The following DSTYK variants were observed in gnomAD, a reference collection of about 807,000 sequenced individuals.
DSTYK encodes RIP-homologous kinase.
Under a neutral mutation model 98.7 loss-of-function variants are expected in DSTYK, and 34 were observed. That is an observed-to-expected ratio of 0.34 (90% confidence interval 0.26 to 0.46). The LOEUF is 0.46. DSTYK is among the 20% of genes least tolerant of loss of function. The probability of loss-of-function intolerance (pLI) is 1.00; values close to 1 mark genes in which losing one functional copy is unlikely to be tolerated. For missense variants in DSTYK, 962 were observed against 1,181.7 expected (o/e 0.81, Z 2.73); for synonymous variants, 462 against 457.3 (o/e 1.01, Z -0.13).
At chr1:205,186,367 A>C in intron 2 of DSTYK, among the ~76,000 whole-genome samples, 1 of 152,252 alleles carries the variant, frequency 6.6e-6, no homozygotes, top group East Asian at 1.9e-4. Flanking sequence ...GCATTTATCA[A>C]GATGAAAGAA....
chr1:205,148,147 T>C, intron 12 of DSTYK, 58 bp downstream of exon 12: 3 of 1,605,664 alleles, frequency 1.9e-6, no homozygotes, highest in Non-Finnish European at 2.6e-6. Flanking sequence ...TGACATTGCC[T>C]GGGCTCAGTC....
At chr1:205,159,431 T>C in intron 9 of DSTYK, 116 bp downstream of exon 9, 1 of 1,268,880 alleles carries the variant, frequency 7.9e-7, no homozygotes, top group Non-Finnish European at 1.1e-6. Context: ...AAATAAACCC[T>C]AATTACTCCA....
At chr1:205,184,467 G>T (rs1338917967) in intron 2 of DSTYK, among the ~76,000 whole-genome samples, 9 of 151,946 alleles carry the variant, frequency 5.9e-5, no homozygotes, top group Non-Finnish European at 1.3e-4. Flanking sequence ...AGCTACTTGG[G>T]AGGCTAAGGA....
chr1:205,147,399 T>C lies in DSTYK; in HGVS notation c.*159A>G. The C allele has an allele frequency of 1.4e-6, 1 of 708,168 alleles. No homozygotes were observed. The highest frequency in any genetic ancestry group is 2.3e-6 in the Non-Finnish European group (1 of 432,430). The allele number at this position is 708,168 out of a possible 1,614,324, so 43.9% of individuals were successfully genotyped here. On this transcript the variant is annotated 3_prime_UTR_variant, in exon 13 of 13. Coordinates refer to ENST00000367162, the MANE Select transcript of DSTYK (RefSeq NM_015375.3). ...TGCTCAGTCATTCAACTCTTCACTG[T>C]CCAGGAGTCATCCCTGCCTGGGAAG...
chr1:205,211,358 TGTGGGA>T lies in DSTYK; in HGVS notation c.172_177del (p.Ser58_His59del). 1 of 1,612,600 alleles carries T rather than the reference TGTGGGA, an allele frequency of 6.2e-7. No individual in the cohort carries two copies. On this transcript the variant is annotated inframe_deletion, in exon 1 of 13. Coordinates refer to ENST00000367162, the MANE Select transcript of DSTYK (RefSeq NM_015375.3). ...GTGAGGGAGGAGAGACAAGTGTGGTTGTGGGAGCACTTGATGTCGCGGAAGAACTTC... is the reference window on the plus strand; with the variant it reads ...GTGAGGGAGGAGAGACAAGTGTGGTTGCACTTGATGTCGCGGAAGAACTTC...
At position 205,147,318 on chromosome 1, in the gene DSTYK, T is replaced by C. The variant is rs1478330346; in HGVS notation, c.*240A>G. 1 of 393,518 alleles carries C rather than the reference T, an allele frequency of 2.5e-6. No individual in the cohort carries two copies. Among genetic ancestry groups the C allele is most frequent in the Non-Finnish European group, 4.6e-6 (1 of 216,234 alleles). 24.4% of individuals were successfully genotyped at this position (393,518 alleles called of 1,614,324 possible). On this transcript the variant is annotated 3_prime_UTR_variant, in exon 13 of 13. Coordinates refer to ENST00000367162, the MANE Select transcript of DSTYK (RefSeq NM_015375.3). ...CACCACATTCCTCAGCTTTTACACA[T>C]CTGAGACACTTTTTTGCTAAAGGGA...
At chr1:205,161,721 A>G (rs1657726160) in intron 6 of DSTYK, among the ~76,000 whole-genome samples, 1 of 152,176 alleles carries the variant, frequency 6.6e-6, no homozygotes, top group Non-Finnish European at 1.5e-5. Flanking sequence ...TAAACATACA[A>G]AATTCCTACT....
At chr1:205,202,409 C>A in intron 1 of DSTYK, 1 of 743,670 alleles carries the variant, frequency 1.3e-6, no homozygotes, top group East Asian at 2.6e-5. Context: ...GTGCCCAGGC[C>A]AAGCAGTGGG....
chr1:205,200,946 C>T (rs556103253), intron 1 of DSTYK, among the ~76,000 whole-genome samples: 2 of 151,868 alleles, frequency 1.3e-5, no homozygotes, highest in African/African-American at 4.8e-5. Flanking sequence ...ACTCTTGTTG[C>T]CCAGGCTGGA....
rs1017923339 is a variant in DSTYK, at chr1:205,150,622, C to T, written c.2467+58G>A. On this transcript the variant is annotated intron_variant, in intron 11 of 12. Transcript: ENST00000367162. The surrounding 1 kb of genome is among the most constrained non-coding windows in gnomAD (Gnocchi z 4.1). ...TTGTGGAAACGAGCTCAAGGGGTAG[C>T]ACTCAGGATTAAAGTAGTACGCCCT... 8.2e-6 allele frequency: 11 copies of T among 1,345,102 alleles called. No individual in the cohort carries two copies. In the African/African-American group the frequency reaches 1.4e-4, roughly 18 times the overall value. The allele number at this position is 1,345,102 out of a possible 1,614,324, so 83.3% of individuals were successfully genotyped here.
At chr1:205,186,922 C>T (rs1462110673) in intron 2 of DSTYK, among the ~76,000 whole-genome samples, 3 of 152,124 alleles carry the variant, frequency 2.0e-5, no homozygotes, top group Non-Finnish European at 4.4e-5. Flanking sequence ...ATGATCTATC[C>T]TCTGTACTAC....
chr1:205,161,513 A>G, intron 6 of DSTYK, 126 bp from the exon 7 acceptor site: 1 of 1,023,152 alleles, frequency 9.8e-7, no homozygotes, highest in East Asian at 2.6e-5. Flanking sequence ...GATACATGTA[A>G]CATGTTTAGC....
chr1:205,158,409 T>C (rs757941599), intron 9 of DSTYK, among the ~76,000 whole-genome samples: 6 of 151,920 alleles, frequency 3.9e-5, no homozygotes, highest in Non-Finnish European at 7.4e-5. Context: ...AGCTCCTACA[T>C]AGGGAACAGA....
chr1:205,182,498 T>A (rs1380513791), intron 2 of DSTYK, among the ~76,000 whole-genome samples: 306 of 77,602 alleles, frequency 3.9e-3, no homozygotes, highest in African/African-American at 5.7e-3. Flanking sequence ...TTAAAAACGG[T>A]AAAAAAAAAA....
At chr1:205,206,399 C>A (rs11240387) in intron 1 of DSTYK, among the ~76,000 whole-genome samples, 70,539 of 148,986 alleles carry the variant, frequency 0.47, 19,647 homozygotes, top group Non-Finnish European at 0.62. Flanking sequence ...CCTGCCTCAG[C>A]CTCCTGAGTA....
rs144353653 is a variant in DSTYK at position 205,187,587 on chromosome 1, C to T, written c.485G>A (p.Arg162Gln). The change falls in exon 2 of 13, where the codon CGG (arginine) becomes CAG (glutamine). Residue 162 changes from arginine (R) to glutamine (Q), a missense_variant. Arg to Gln is a conservative substitution (Grantham distance 43). This residue lies in a region of DSTYK where 660 missense variants were observed against 855.0 expected (regional missense o/e 0.77). Coordinates refer to ENST00000367162, the MANE Select transcript of DSTYK (RefSeq NM_015375.3). Reference protein sequence around the residue: ...RLRFTYGTQTRVSLALPGQYE... With the variant: ...RLRFTYGTQTQVSLALPGQYE... ...CTGTCCAGGGAGCGCCAGGCTGACC[C>T]GAGTCTGAGTCCCATAGGTGAAGCG... 12 of 1,614,020 alleles carry T rather than the reference C, an allele frequency of 7.4e-6. No homozygotes were observed. Among genetic ancestry groups the T allele is most frequent in the East Asian group, 2.2e-5 (1 of 44,868 alleles).
chr1:205,189,590 G>GA (rs1200850596), intron 1 of DSTYK, among the ~76,000 whole-genome samples: 1 of 152,192 alleles, frequency 6.6e-6, no homozygotes, highest in East Asian at 1.9e-4. Context: ...TAAGAGGCCT[G>GA]AATCAATTAA....
intron 2 of DSTYK, among the ~76,000 whole-genome samples, chr1:205,173,570 T>C (rs1012017617): frequency 1.3e-5 from 2 of 152,178 alleles, no homozygotes; most frequent in African/African-American, 4.8e-5. Context: ...AAGTATTGTT[T>C]AGAAATTTCA....
chr1:205,211,490 G>T lies in DSTYK; in HGVS notation c.46C>A (p.Pro16Thr). Residue 16 changes from proline to threonine, a missense_variant, in exon 1 of 13, where the codon CCC becomes ACC. Pro to Thr is a conservative substitution (Grantham distance 38, BLOSUM62 -1). Transcript: ENST00000367162. ...ATCATTCCGCCGCCGCCGGGGCCGG[G>T]ACCCGAGACGGGCTCGCTGCCCCAT... ...VPWGSEPVSGPGPGGGGMIRE... is the reference protein window; with the variant it reads ...VPWGSEPVSGTGPGGGGMIRE... The T allele has an allele frequency of 6.3e-7, 1 of 1,580,614 alleles. No individual in the cohort carries two copies.
Sources: allele counts gnomAD v4.1 joint callset (sites outside exome capture counted in the v4.1 genomes callset), GRCh38; gene constraint gnomAD v4.1.1; regional missense constraint gnomAD v4.1.1; non-coding constraint Gnocchi (gnomAD v3.1); transcripts MANE v1.5; gene names NCBI Gene and HGNC (gene_info 2026-07-23, HGNC 2026-07-21).